The following TRPM3 variants were observed in gnomAD, a reference collection of about 807,000 sequenced individuals.
TRPM3 encodes transient receptor potential cation channel subfamily M member 3.
Under a neutral mutation model 181.2 loss-of-function variants are expected in TRPM3, and 77 were observed. The ratio of observed to expected loss-of-function variants is 0.42; its 90% confidence interval spans 0.35 to 0.51. TRPM3 has a LOEUF of 0.51. TRPM3 is among the 20% of genes least tolerant of loss of function. The pLI, the probability that TRPM3 is intolerant of heterozygous loss-of-function variation, is 0.01. For synonymous variants in TRPM3, 745 were observed against 796.4 expected (o/e 0.94, Z 1.09); for missense variants, 1,759 against 2,196.7 (o/e 0.80, Z 3.98).
intron 1 of TRPM3, among the ~76,000 whole-genome samples, chr9:71,229,965 T>C (rs938911769): frequency 6.6e-6 from 1 of 152,022 alleles, no homozygotes; most frequent in Non-Finnish European, 1.5e-5. Context: ...ATAAAAGAGA[T>C]AGCTGCACTC....
In TRPM3 at chr9:70,995,217, G is replaced by A. The variant is rs533347133; in HGVS notation, c.177+125961C>T. ...GGTGCTGACTAGTTTTTAAGATGTCGGCATTTCCTAAGGTTAGAAGACCTA... is the reference window on the plus strand; with the variant it reads ...GGTGCTGACTAGTTTTTAAGATGTCAGCATTTCCTAAGGTTAGAAGACCTA... On this transcript the variant is annotated intron_variant, in intron 1 of 25. Coordinates refer to ENST00000677713, the MANE Select transcript of TRPM3 (RefSeq NM_001366145.2). Among the ~76,000 whole-genome samples the A allele has an allele frequency of 1.8e-4, 27 of 152,124 alleles. No homozygotes were observed. In the South Asian group the frequency reaches 4.2e-3, roughly 23 times the overall value.
intron 1 of TRPM3, among the ~76,000 whole-genome samples, chr9:71,391,951 G>A (rs888737344): frequency 6.6e-6 from 1 of 152,032 alleles, no homozygotes; most frequent in African/African-American, 2.4e-5. Flanking sequence ...ATGATCAGAA[G>A]AGAAAGAAAA....
At chr9:71,155,557 G>A (rs181523194) in intron 1 of TRPM3, among the ~76,000 whole-genome samples, 31 of 120,664 alleles carry the variant, frequency 2.6e-4, no homozygotes, top group Non-Finnish European at 3.3e-4. Flanking sequence ...TTTTCACCAC[G>A]TTGGCCAGGC....
intron 1 of TRPM3, among the ~76,000 whole-genome samples, chr9:71,045,620 A>G (rs899815070): frequency 6.6e-6 from 1 of 152,204 alleles, no homozygotes; most frequent in African/African-American, 2.4e-5. Context: ...GGGACAGATG[A>G]GGCATAAAAA....
chr9:70,647,175 T>C (rs1380935923), intron 9 of TRPM3, among the ~76,000 whole-genome samples: 2 of 152,092 alleles, frequency 1.3e-5, no homozygotes, highest in African/African-American at 2.4e-5. Context: ...GAATGATGCT[T>C]CCTTAACTCA....
At chr9:71,168,535 GATTTATTTATTTATTT>G (rs1157301406) in intron 1 of TRPM3, among the ~76,000 whole-genome samples, 18,963 of 67,612 alleles carry the variant, frequency 0.28, 2,275 homozygotes, top group Non-Finnish European at 0.32. Flanking sequence ...TTTAAGGTGT[GATTTATTTATTTATTT>G]ATTTATTTAT....
intron 12 of TRPM3, among the ~76,000 whole-genome samples, chr9:70,632,770 A>G (rs943541708): frequency 5.3e-5 from 8 of 152,232 alleles, no homozygotes; most frequent in Admixed American, 3.9e-4. Context: ...AATTCTTACC[A>G]TCCTGTTCTT....
chr9:71,416,162 C>T (rs893481348), intron 1 of TRPM3, among the ~76,000 whole-genome samples: 6 of 151,586 alleles, frequency 4.0e-5, no homozygotes, highest in African/African-American at 1.5e-4. Flanking sequence ...GATTTGGCAC[C>T]TGTTAAAAGT....
chr9:70,675,472 A>G (rs2063808783), intron 9 of TRPM3, among the ~76,000 whole-genome samples: 1 of 152,246 alleles, frequency 6.6e-6, no homozygotes, highest in African/African-American at 2.4e-5. Context: ...CCATGTATCT[A>G]TAAGTAATTA....
At chr9:70,836,752 C>T (rs963585971) in intron 5 of TRPM3, among the ~76,000 whole-genome samples, 1 of 152,146 alleles carries the variant, frequency 6.6e-6, no homozygotes, top group Non-Finnish European at 1.5e-5. Flanking sequence ...TTTTCCTCAT[C>T]TGAATACTCT....
intron 1 of TRPM3, among the ~76,000 whole-genome samples, chr9:71,361,352 G>A (rs1034646185): frequency 7.2e-5 from 11 of 152,210 alleles, no homozygotes; most frequent in South Asian, 4.2e-4. Context: ...AGACCATAGC[G>A]TAAGAAAAAA....
intron 1 of TRPM3, among the ~76,000 whole-genome samples, chr9:71,300,683 GTCTT>G (rs1404662246): frequency 6.6e-6 from 1 of 152,052 alleles, no homozygotes; most frequent in Non-Finnish European, 1.5e-5. Flanking sequence ...TTAAAGGTCA[GTCTT>G]TATGATGTAA....
At chr9:70,882,969 G>A (rs1212058683) in intron 1 of TRPM3, among the ~76,000 whole-genome samples, 3 of 152,082 alleles carry the variant, frequency 2.0e-5, no homozygotes, top group African/African-American at 7.2e-5. Context: ...TTTAAACCAT[G>A]GAAACATTTC....
intron 1 of TRPM3, among the ~76,000 whole-genome samples, chr9:70,964,451 T>C (rs2097166753): frequency 1.3e-5 from 2 of 152,064 alleles, no homozygotes; most frequent in Admixed American, 1.3e-4. Flanking sequence ...ATCATTGCTG[T>C]TTTTTACTTG....
In TRPM3 at chr9:70,797,489, C is replaced by T. The variant is rs530933252; in HGVS notation, c.974-13210G>A. On this transcript the variant is annotated intron_variant, in intron 6 of 25. Transcript: ENST00000677713. Reference sequence around the variant, plus strand: ...CACTCCTTTAGTGTGATATACAAGACTCTCCTTGTTCTGCACCCAACCTTC... The same window carrying T: ...CACTCCTTTAGTGTGATATACAAGATTCTCCTTGTTCTGCACCCAACCTTC... 2.8e-4 allele frequency among the ~76,000 whole-genome samples: 42 copies of T among 152,258 alleles called. No homozygotes were observed. In the South Asian group the frequency reaches 8.5e-3, roughly 31 times the overall value.
At chr9:70,538,855 A>G (rs1052023969) in intron 25 of TRPM3, among the ~76,000 whole-genome samples, 1 of 152,234 alleles carries the variant, frequency 6.6e-6, no homozygotes, top group Non-Finnish European at 1.5e-5. Context: ...CTGCCTGGCC[A>G]TTTAAGACAG....
chr9:71,004,003 C>T (rs1426522780), intron 1 of TRPM3, among the ~76,000 whole-genome samples: 1 of 152,198 alleles, frequency 6.6e-6, no homozygotes, highest in Non-Finnish European at 1.5e-5. Flanking sequence ...ATGAGGTTGA[C>T]ATTTGATCTT....
At chr9:71,198,148 T>G (rs555781840) in intron 1 of TRPM3, among the ~76,000 whole-genome samples, 1 of 151,332 alleles carries the variant, frequency 6.6e-6, no homozygotes, top group Non-Finnish European at 1.5e-5. Context: ...CCATTGCTTG[T>G]TTTTCTCAGG....
chr9:71,299,788 TAAAG>T (rs1020662723), intron 1 of TRPM3, among the ~76,000 whole-genome samples: 11 of 152,128 alleles, frequency 7.2e-5, no homozygotes, highest in Non-Finnish European at 1.2e-4. Context: ...TGCACATTTA[TAAAG>T]AAACTGAAAA....
Sources: allele counts gnomAD v4.1 joint callset (sites outside exome capture counted in the v4.1 genomes callset), GRCh38; gene constraint gnomAD v4.1.1; transcripts MANE v1.5; gene names NCBI Gene and HGNC (gene_info 2026-07-23, HGNC 2026-07-21).